Variants in RIT2 observed in about 807,000 individuals in gnomAD.
RIT2 encodes Ras like without CAAX 2.
A neutral mutation model predicts 23.7 loss-of-function variants in RIT2; 24 were observed. That is an observed-to-expected ratio of 1.01 (90% CI 0.73 to 1.43). The LOEUF (loss-of-function observed/expected upper bound fraction) is 1.43, where lower values mean the gene tolerates loss of function less well. RIT2 is among the 40% of genes most tolerant of loss of function. RIT2 has a pLI of 0.00. For missense variants in RIT2, 236 were observed against 266.9 expected, an observed-to-expected ratio of 0.88 and a Z score of 0.81; for synonymous variants, 107 against 91.1, an observed-to-expected ratio of 1.17 and a Z score of -0.99.
At chr18:43,108,834 G>A (rs1195279762) in intron 1 of RIT2, among the ~76,000 whole-genome samples, 1 of 152,128 alleles carries the variant, frequency 6.6e-6, no homozygotes, top group African/African-American at 2.4e-5. Flanking sequence ...AACAATTAAG[G>A]GTGAGAACAG....
chr18:43,001,560 T>A (rs901017407), intron 2 of RIT2, among the ~76,000 whole-genome samples: 3 of 151,890 alleles, frequency 2.0e-5, no homozygotes, highest in Non-Finnish European at 4.4e-5. Flanking sequence ...TTTTAAGATA[T>A]TTTTCCCATC....
chr18:42,851,397 C>A (rs1351171816), intron 4 of RIT2, among the ~76,000 whole-genome samples: 1 of 152,058 alleles, frequency 6.6e-6, no homozygotes. Flanking sequence ...GTTTGGGAAG[C>A]AAAACAAGAC....
At chr18:43,098,712 C>G (rs1482211694) in intron 1 of RIT2, among the ~76,000 whole-genome samples, 3 of 151,986 alleles carry the variant, frequency 2.0e-5, no homozygotes, top group African/African-American at 7.2e-5. Flanking sequence ...GAAGCCTATT[C>G]ATTAATTCAT....
At chr18:42,775,143 A>C (rs531210989) in intron 4 of RIT2, among the ~76,000 whole-genome samples, 2 of 152,272 alleles carry the variant, frequency 1.3e-5, no homozygotes, top group African/African-American at 4.8e-5. Context: ...GACATATGCA[A>C]CCTTCACCAC....
At chr18:43,067,226 A>G (rs993542841) in intron 1 of RIT2, among the ~76,000 whole-genome samples, 1 of 152,162 alleles carries the variant, frequency 6.6e-6, no homozygotes, top group Admixed American at 6.5e-5. Flanking sequence ...AAAGGAAAAA[A>G]TTAAGCATCA....
At chr18:42,815,692 T>G (rs919185216) in intron 4 of RIT2, among the ~76,000 whole-genome samples, 24 of 152,280 alleles carry the variant, frequency 1.6e-4, no homozygotes, top group African/African-American at 5.8e-4. Flanking sequence ...TGTACTTGCA[T>G]GAATGTAGAA....
chr18:42,901,392 A>G (rs1483766244), intron 4 of RIT2, among the ~76,000 whole-genome samples: 1 of 151,958 alleles, frequency 6.6e-6, no homozygotes, highest in Admixed American at 6.6e-5. Flanking sequence ...AGACTTGAGT[A>G]CCTGGCAAAC....
intron 4 of RIT2, among the ~76,000 whole-genome samples, chr18:42,771,781 T>C (rs1255111326): frequency 1.2e-4 from 18 of 152,206 alleles, no homozygotes; most frequent in Admixed American, 1.2e-3. Flanking sequence ...GTAGCAATGT[T>C]ATTCAGGGTA....
intron 4 of RIT2, among the ~76,000 whole-genome samples, chr18:42,904,771 C>T (rs1331307323): frequency 6.6e-6 from 1 of 151,828 alleles, no homozygotes; most frequent in Non-Finnish European, 1.5e-5. Flanking sequence ...ACACAAAAGG[C>T]AGATAATAAT....
chr18:42,991,687 T>A (rs1454809609), intron 2 of RIT2, among the ~76,000 whole-genome samples: 1 of 152,072 alleles, frequency 6.6e-6, no homozygotes, highest in African/African-American at 2.4e-5. Flanking sequence ...CCTTAACTGA[T>A]GACATTATCT....
At chr18:43,002,288 C>T (rs1005444874) in intron 2 of RIT2, among the ~76,000 whole-genome samples, 1 of 151,818 alleles carries the variant, frequency 6.6e-6, no homozygotes. Flanking sequence ...TTTCTTCTGC[C>T]TGCTTTTATT....
At chr18:42,869,212 T>C (rs1372980743) in intron 4 of RIT2, among the ~76,000 whole-genome samples, 1 of 152,236 alleles carries the variant, frequency 6.6e-6, no homozygotes, top group African/African-American at 2.4e-5. Context: ...TTCCACTTCA[T>C]ATCAGGCGTT....
At chr18:43,061,868 T>G (rs1482117043) in intron 1 of RIT2, among the ~76,000 whole-genome samples, 1 of 152,086 alleles carries the variant, frequency 6.6e-6, no homozygotes, top group Non-Finnish European at 1.5e-5. Context: ...AACAAGAACC[T>G]GGAACTCGCT....
chr18:42,823,470 A>G (rs2143996008), intron 4 of RIT2, among the ~76,000 whole-genome samples: 1 of 152,322 alleles, frequency 6.6e-6, no homozygotes, highest in South Asian at 2.1e-4. Context: ...AAAAACTGTG[A>G]AAGCAAAGAT....
At chr18:42,851,352 G>C (rs1907049939) in intron 4 of RIT2, among the ~76,000 whole-genome samples, 1 of 152,110 alleles carries the variant, frequency 6.6e-6, no homozygotes, top group African/African-American at 2.4e-5. Flanking sequence ...GATTGTTTTA[G>C]AATCAATTAC....
intron 4 of RIT2, among the ~76,000 whole-genome samples, chr18:42,776,276 CTTAT>C (rs1913670513): frequency 6.6e-6 from 1 of 152,148 alleles, no homozygotes; most frequent in South Asian, 2.1e-4. Flanking sequence ...CATTCATTCA[CTTAT>C]TTATTCTTTC....
At chr18:42,790,967 G>A (rs542085693) in intron 4 of RIT2, among the ~76,000 whole-genome samples, 1 of 152,206 alleles carries the variant, frequency 6.6e-6, no homozygotes, top group Admixed American at 6.5e-5. Context: ...TTCCATTCTT[G>A]GCTGCCCATC....
chr18:42,762,158 T>C (rs1212429297), intron 4 of RIT2, among the ~76,000 whole-genome samples: 2 of 152,234 alleles, frequency 1.3e-5, no homozygotes, highest in East Asian at 1.9e-4. Context: ...TTTAGCCTTA[T>C]GCCTGGCCTT....
At chr18:42,841,876 C>G (rs546348577) in intron 4 of RIT2, among the ~76,000 whole-genome samples, 4 of 152,308 alleles carry the variant, frequency 2.6e-5, no homozygotes, top group African/African-American at 9.6e-5. Flanking sequence ...GATCTCTCTT[C>G]TCACTCAGCA....
Sources: gnomAD v4.1 joint callset for allele counts (sites outside exome capture counted in the v4.1 genomes callset) on GRCh38, gnomAD v4.1.1 for gene constraint, MANE v1.5 for transcripts, NCBI Gene and HGNC (gene_info 2026-07-23, HGNC 2026-07-21) for gene names.